OLFM2: variants seen among roughly 807,000 people sequenced by gnomAD.
The protein encoded by OLFM2 is olfactomedin 2.
A neutral mutation model predicts 43.9 loss-of-function variants in OLFM2; 20 were observed. The ratio of observed to expected loss-of-function variants is 0.46; its 90% CI spans 0.32 to 0.66. OLFM2 has a LOEUF of 0.66. OLFM2 is among the 30% of genes least tolerant of loss of function. The pLI is 0.04. For missense variants in OLFM2, 416 were observed against 643.6 expected (o/e 0.65, Z 3.83); for synonymous variants, 268 against 278.6 (o/e 0.96, Z 0.38).
intron 1 of OLFM2, among the ~76,000 whole-genome samples, chr19:9,904,152 T>TTGTGTGTGTGTGTGTG (rs56281493): frequency 3.9e-5 from 5 of 127,162 alleles, no homozygotes; most frequent in Non-Finnish European, 3.3e-5. Context: ...TGAGTATTGT[T>TTGTGTGTGTGTGTGTG]TGTGTGTGTG....
At chr19:9,911,452 G>A (rs1468981488) in intron 1 of OLFM2, among the ~76,000 whole-genome samples, 2 of 152,206 alleles carry the variant, frequency 1.3e-5, no homozygotes, top group East Asian at 3.9e-4. Flanking sequence ...AGCTACGAAT[G>A]GGCCAGAGTG....
chr19:9,904,318 G>A (rs370981351), intron 1 of OLFM2, among the ~76,000 whole-genome samples: 224 of 152,022 alleles, frequency 1.5e-3, no homozygotes, highest in African/African-American at 5.3e-3. Context: ...AGCCTCCCAC[G>A]TAGCTGGGAT....
Position 9,854,326 on chromosome 19 carries a change from G to A in OLFM2, c.1225C>T (p.Pro409Ser), listed in dbSNP as rs1304887311. The A allele has an allele frequency of 1.9e-6, 3 of 1,614,070 alleles. No homozygotes were observed. Among genetic ancestry groups the A allele is most frequent in the African/African-American group, 2.7e-5 (2 of 74,916 alleles). Residue 409 changes from proline to serine, a missense_variant, in exon 6 of 6, where the codon CCC becomes TCC. Transcript: ENST00000264833. This position sits in a 1 kb window ranked among gnomAD's most constrained non-coding sequence, Gnocchi z 9.5. ...NTSSYEYTDV[P>S]FHNQYSHISM... ...ATGTGGGAATACTGGTTGTGGAAGG[G>A]CACGTCCGTGTACTCGTAACTGGAC... is the stretch of plus-strand genomic sequence containing the variant.
chr19:9,883,897 C>T (rs903220923), intron 1 of OLFM2, among the ~76,000 whole-genome samples: 4 of 152,096 alleles, frequency 2.6e-5, no homozygotes, highest in Admixed American at 1.3e-4. Context: ...ATCTGTAAAA[C>T]GAGGTGAACA....
At chr19:9,884,273 A>G (rs2046566484) in intron 1 of OLFM2, among the ~76,000 whole-genome samples, 1 of 56,998 alleles carries the variant, frequency 1.8e-5, no homozygotes, top group Non-Finnish European at 3.4e-5. Flanking sequence ...CTGTCTCAAA[A>G]ATTAAAAAAA....
At chr19:9,891,661 TG>T (rs1177283452) in intron 1 of OLFM2, among the ~76,000 whole-genome samples, 1 of 151,022 alleles carries the variant, frequency 6.6e-6, no homozygotes, top group Non-Finnish European at 1.5e-5. Flanking sequence ...CCTCCATCAC[TG>T]GGGTCCCTGA....
chr19:9,865,260 G>A (rs1232258792), intron 1 of OLFM2, among the ~76,000 whole-genome samples: 2 of 151,226 alleles, frequency 1.3e-5, no homozygotes, highest in Non-Finnish European at 2.9e-5. Flanking sequence ...AACCTCCTGG[G>A]CTTAAATAGT....
chr19:9,931,774 GC>G (rs2086484206), intron 1 of OLFM2, among the ~76,000 whole-genome samples: 1 of 151,564 alleles, frequency 6.6e-6, no homozygotes, highest in Non-Finnish European at 1.5e-5. Flanking sequence ...TTGCTGTATT[GC>G]CCAGGCTGGT....
At position 9,857,203 on chromosome 19, in the gene OLFM2, A is replaced by G. The variant is rs2046326307; in HGVS notation, c.580+60T>C. ...TCCAGCTTCTAGGCACAAACAGGTGATACTGGAGTTGGGTGTGGCAGTCAG... is the reference window on the plus strand; with the variant it reads ...TCCAGCTTCTAGGCACAAACAGGTGGTACTGGAGTTGGGTGTGGCAGTCAG... On this transcript the variant is annotated intron_variant, in intron 4 of 5. Coordinates refer to ENST00000264833, the MANE Select transcript of OLFM2 (RefSeq NM_058164.4). The surrounding 1 kb of genome is among the most constrained non-coding windows in gnomAD (Gnocchi z 5.7). 6.1e-6 allele frequency: 9 copies of G among 1,476,858 alleles called. No homozygotes were observed. 91.5% of individuals were successfully genotyped at this position (1,476,858 alleles called of 1,614,324 possible).
At chr19:9,932,516 G>C (rs1419120165) in intron 1 of OLFM2, among the ~76,000 whole-genome samples, 2 of 151,806 alleles carry the variant, frequency 1.3e-5, no homozygotes, top group Non-Finnish European at 1.5e-5. Context: ...TAAGCACTCA[G>C]AGAGTGGCAG....
At chr19:9,893,474 G>A (rs2144965603) in intron 1 of OLFM2, among the ~76,000 whole-genome samples, 1 of 152,140 alleles carries the variant, frequency 6.6e-6, no homozygotes, top group East Asian at 1.9e-4. Context: ...CAATCATGGA[G>A]CATCTTAACA....
chr19:9,859,510 C>T (rs1038134776), intron 2 of OLFM2, among the ~76,000 whole-genome samples: 3 of 152,078 alleles, frequency 2.0e-5, no homozygotes, highest in African/African-American at 7.2e-5. Context: ...AGAGGCTGAT[C>T]TCAAACTCCT....
intron 1 of OLFM2, among the ~76,000 whole-genome samples, chr19:9,898,969 C>T (rs574365992): frequency 1.2e-4 from 18 of 152,270 alleles, no homozygotes; most frequent in African/African-American, 3.6e-4. Flanking sequence ...CTCCACCCCA[C>T]GGCAAATCGT....
chr19:9,919,979 T>C (rs1332305232), intron 1 of OLFM2, among the ~76,000 whole-genome samples: 2 of 150,612 alleles, frequency 1.3e-5, no homozygotes, highest in African/African-American at 4.9e-5. Context: ...ATTTTTTTTT[T>C]TTTTTAGTAG....
intron 1 of OLFM2, among the ~76,000 whole-genome samples, chr19:9,905,318 G>A (rs919487141): frequency 2.4e-4 from 36 of 152,220 alleles, no homozygotes; most frequent in African/African-American, 8.4e-4. Context: ...TTAGCCGGGC[G>A]TAGTGGTGGG....
intron 1 of OLFM2, among the ~76,000 whole-genome samples, chr19:9,893,580 C>A (rs769422560): frequency 6.6e-6 from 1 of 152,164 alleles, no homozygotes; most frequent in Admixed American, 6.6e-5. Flanking sequence ...CCTGGGTACA[C>A]CCTGCCCTAG....
At position 9,895,565 on chromosome 19, in the gene OLFM2, T is replaced by C. The variant is rs140007982; in HGVS notation, c.64-34771A>G. ...AAATAAAAATAAAGTCTATTCGGTC[T>C]ACCTCAATCTACCTTTTTTCTTGCT... On this transcript the variant is annotated intron_variant, in intron 1 of 5. Coordinates refer to ENST00000264833, the MANE Select transcript of OLFM2 (RefSeq NM_058164.4). Among the ~76,000 whole-genome samples the C allele has an allele frequency of 1.9e-3, 282 of 152,254 alleles. 1 individual carries two copies. The highest frequency in any genetic ancestry group is 5.9e-3 in the African/African-American group (245 of 41,560).
intron 1 of OLFM2, among the ~76,000 whole-genome samples, chr19:9,935,771 T>TC (rs886221912): frequency 2.2e-5 from 3 of 135,314 alleles, no homozygotes; most frequent in Admixed American, 2.2e-4. Context: ...ACACACAAAC[T>TC]CCCCCCGGTC....
intron 1 of OLFM2, among the ~76,000 whole-genome samples, chr19:9,922,363 A>G (rs2086426828): frequency 6.6e-6 from 1 of 152,162 alleles, no homozygotes; most frequent in Non-Finnish European, 1.5e-5. Context: ...TAGACATTTC[A>G]CAAAAGTGGA....
Sources: gnomAD v4.1 joint callset for allele counts (sites outside exome capture counted in the v4.1 genomes callset) on GRCh38, gnomAD v4.1.1 for gene constraint, Gnocchi (gnomAD v3.1) non-coding constraint, MANE v1.5 for transcripts, NCBI Gene and HGNC (gene_info 2026-07-23, HGNC 2026-07-21) for gene names.